Variants in TRDN observed in about 807,000 individuals in gnomAD.
TRDN encodes the protein triadin in skeletal muscle.
TRDN carries 161 observed loss-of-function variants against 149.7 expected under a neutral mutation model. The observed-to-expected ratio is 1.08, with a 90% CI of 0.95 to 1.23. The LOEUF is 1.23. Ranked by LOEUF, TRDN falls within the 50% of genes most tolerant of loss-of-function variation. The pLI is 0.00. For missense variants in TRDN, 896 were observed against 823.5 expected, an observed-to-expected ratio of 1.09 and a Z score of -1.08; for synonymous variants, 294 against 250.5, an observed-to-expected ratio of 1.17 and a Z score of -1.64.
chr6:123,573,780 A>C (rs1782692532), intron 1 of TRDN, among the ~76,000 whole-genome samples: 1 of 152,060 alleles, frequency 6.6e-6, no homozygotes, highest in African/African-American at 2.4e-5. Context: ...AAACATTATC[A>C]CTATAACTGA....
chr6:123,422,154 A>C (rs1773932931), intron 12 of TRDN, among the ~76,000 whole-genome samples: 1 of 152,176 alleles, frequency 6.6e-6, no homozygotes, highest in African/African-American at 2.4e-5. Flanking sequence ...TGCAAATATT[A>C]TCTCATTTTT....
chr6:123,499,719 A>AAAAAAAAAAAAAATATATATATATATAT, intron 8 of TRDN, among the ~76,000 whole-genome samples: 30 of 47,624 alleles, frequency 6.3e-4, no homozygotes, highest in Non-Finnish European at 8.5e-4. Flanking sequence ...AAAAAAAAAA[A>AAAAAAAAAAAAAATATATATATATATAT]ATATATATAT....
chr6:123,565,056 T>C, intron 2 of TRDN, among the ~76,000 whole-genome samples: 1 of 152,168 alleles, frequency 6.6e-6, no homozygotes, highest in East Asian at 1.9e-4. Flanking sequence ...TCTTTATAAA[T>C]CCTATTTGTT....
Position 123,512,308 on chromosome 6 carries a change from G to A in TRDN, c.605C>T (p.Ala202Val), listed in dbSNP as rs765653366. 2.0e-5 allele frequency: 29 copies of A among 1,478,934 alleles called. No homozygotes were observed. The highest frequency in any genetic ancestry group is 9.5e-5 in the Admixed American group (5 of 52,384). 91.6% of individuals were successfully genotyped at this position (1,478,934 alleles called of 1,614,324 possible). Residue 202 changes from alanine (A) to valine (V), a missense_variant, in exon 7 of 41, where the codon GCG becomes GTG. Physicochemically the swap from Ala to Val is moderately conservative, Grantham distance 64. Coordinates refer to ENST00000334268, the MANE Select transcript of TRDN (RefSeq NM_006073.4). ...ATAATAAATTGAAAAGTTACCTTTC[G>A]CCAGTGTCTTTGTTTCTGGTTTTTC... ...KKEKPETKTLAKEQKKAKTAE... is the reference protein window; with the variant it reads ...KKEKPETKTLVKEQKKAKTAE...
intron 24 of TRDN, among the ~76,000 whole-genome samples, chr6:123,281,556 A>T (rs1396046723): frequency 6.6e-6 from 1 of 152,078 alleles, no homozygotes; most frequent in Non-Finnish European, 1.5e-5. Flanking sequence ...TCTTTCTGAG[A>T]ATCTAACACA....
intron 1 of TRDN, among the ~76,000 whole-genome samples, chr6:123,573,928 T>G (rs1381378945): frequency 6.6e-6 from 1 of 151,958 alleles, no homozygotes; most frequent in Non-Finnish European, 1.5e-5. Context: ...ATTAAATACT[T>G]TAGTTAATAA....
chr6:123,560,030 A>G (rs1349484532), intron 2 of TRDN, among the ~76,000 whole-genome samples: 1 of 152,182 alleles, frequency 6.6e-6, no homozygotes, highest in Non-Finnish European at 1.5e-5. Flanking sequence ...TCTAGTCAGA[A>G]TTCTTACACA....
intron 38 of TRDN, among the ~76,000 whole-genome samples, chr6:123,250,067 A>G (rs1277595366): frequency 6.6e-6 from 1 of 152,140 alleles, no homozygotes; most frequent in Non-Finnish European, 1.5e-5. Context: ...AACTAGCTGA[A>G]GAAGAAATCA....
At chr6:123,352,482 C>T (rs1780501172) in intron 21 of TRDN, 57 bp downstream of exon 21, 8 of 1,599,828 alleles carry the variant, frequency 5.0e-6, no homozygotes, top group African/African-American at 1.4e-5. Context: ...GTGCTTTCCT[C>T]CGCATGTTGT....
At chr6:123,407,437 G>A (rs1338201510) in intron 12 of TRDN, among the ~76,000 whole-genome samples, 1 of 152,070 alleles carries the variant, frequency 6.6e-6, no homozygotes. Flanking sequence ...GATCCTCGTA[G>A]TGCAATTGTT....
At chr6:123,265,383 C>T in intron 32 of TRDN, 45 bp from the exon 33 acceptor site, 1 of 1,294,596 alleles carries the variant, frequency 7.7e-7, no homozygotes, top group South Asian at 1.4e-5. Flanking sequence ...TGATAATTTT[C>T]TATCTATGGG....
intron 24 of TRDN, among the ~76,000 whole-genome samples, chr6:123,296,637 T>A (rs1481250630): frequency 6.7e-6 from 1 of 148,494 alleles, no homozygotes; most frequent in South Asian, 2.1e-4. Context: ...TTCACAAACG[T>A]TCTTTTTTCT....
intron 23 of TRDN, among the ~76,000 whole-genome samples, chr6:123,326,257 T>G (rs1457330409): frequency 6.6e-6 from 1 of 152,106 alleles, no homozygotes; most frequent in Non-Finnish European, 1.5e-5. Flanking sequence ...TTTTTTCTGA[T>G]ACTCACACCC....
At position 123,530,153 on chromosome 6, in the gene TRDN, T is replaced by TA. The variant is rs569851356; in HGVS notation, c.484+352dup. 2.5e-4 allele frequency among the ~76,000 whole-genome samples: 38 copies of TA among 150,850 alleles called. No homozygotes were observed. In the South Asian group the frequency reaches 3.1e-3, roughly 12 times the overall value. On this transcript the variant is annotated intron_variant, in intron 5 of 40. Coordinates refer to ENST00000334268, the MANE Select transcript of TRDN (RefSeq NM_006073.4). ...ATTGCATGACAGAAGGAATTCAGGT[T>TA]AAAAAAAAATAAACTCTGACTTGTT...
At chr6:123,264,443 G>T (rs1053478584) in intron 33 of TRDN, among the ~76,000 whole-genome samples, 1 of 152,110 alleles carries the variant, frequency 6.6e-6, no homozygotes. Context: ...GAACAGACGA[G>T]GAGTTATTTC....
intron 12 of TRDN, among the ~76,000 whole-genome samples, chr6:123,429,645 A>T (rs1027468663): frequency 6.6e-6 from 1 of 152,178 alleles, no homozygotes; most frequent in African/African-American, 2.4e-5. Flanking sequence ...CCATATTTTT[A>T]AATTGAGATT....
intron 9 of TRDN, chr6:123,471,351 T>G (rs1217493341): frequency 6.6e-6 from 1 of 152,216 alleles, no homozygotes; most frequent in Admixed American, 6.5e-5. Flanking sequence ...CCTCTTGCAT[T>G]ATGTAGTTTT....
chr6:123,438,076 A>G lies in TRDN; in HGVS notation c.1038T>C (p.Asp346=), dbSNP rs753401915. Residue 346 remains aspartate (D), a synonymous_variant, in exon 12 of 41, where the codon GAT becomes GAC. Coordinates refer to ENST00000334268, the MANE Select transcript of TRDN (RefSeq NM_006073.4). ...KKKSEKETAI[D]VEKKEPGKAS... is the part of the protein sequence containing the mutation. ...AAAGTGCAATACCTTTTTTTTCCAC[A>G]TCAATGGCAGTTTCCTTCTCACTTT... The G allele has an allele frequency of 3.8e-6, 6 of 1,596,010 alleles. No homozygotes were observed. The South Asian group carries it at 6.9e-5, about 18-fold the overall frequency.
intron 24 of TRDN, among the ~76,000 whole-genome samples, chr6:123,290,336 G>T (rs1241134192): frequency 6.6e-6 from 1 of 151,796 alleles, no homozygotes; most frequent in Non-Finnish European, 1.5e-5. Context: ...CTATCTACAG[G>T]CATTGTGATA....
Sources: allele counts gnomAD v4.1 joint callset (sites outside exome capture counted in the v4.1 genomes callset), GRCh38; gene constraint gnomAD v4.1.1; transcripts MANE v1.5; gene names NCBI Gene and HGNC (gene_info 2026-07-23, HGNC 2026-07-21).